Variants in AMZ2 observed in about 807,000 individuals in gnomAD.
AMZ2 encodes the protein archaemetzincin-2.
Under a neutral mutation model 36.7 loss-of-function variants are expected in AMZ2, and 26 were observed. The ratio of observed to expected loss-of-function variants is 0.71; its 90% CI spans 0.52 to 0.98. The LOEUF (loss-of-function observed/expected upper bound fraction) is 0.98. AMZ2 is among the 50% of genes least tolerant of loss of function. AMZ2 has a pLI of 0.00. For missense variants in AMZ2, 394 were observed against 430.5 expected (o/e 0.92, Z 0.75); for synonymous variants, 144 against 149.1 (o/e 0.97, Z 0.25).
At position 68,248,067 on chromosome 17, in the gene AMZ2, G is replaced by A. The variant is rs556177097; in HGVS notation, c.-639G>A. The A allele has an allele frequency of 1.0e-6, 1 of 986,148 alleles. No homozygotes were observed. The highest frequency in any genetic ancestry group is 4.7e-5 in the South Asian group (1 of 21,356). 61.1% of individuals were successfully genotyped at this position (986,148 alleles called of 1,614,324 possible). On this transcript the variant is annotated 5_prime_UTR_variant, in exon 1 of 7. The change abolishes an upstream ATG in the 5' untranslated region. Coordinates refer to ENST00000359904, the MANE Select transcript of AMZ2 (RefSeq NM_016627.5). ...CAGTGCGAAGGGACGCGGTGCGCAT[G>A]CGCGTGAGGGCTGCCGCGGGTGGGT...
chr17:68,222,877 G>C (rs1186676565), intron 1 of AMZ2, among the ~76,000 whole-genome samples: 2 of 152,110 alleles, frequency 1.3e-5, no homozygotes, highest in Non-Finnish European at 2.9e-5. Flanking sequence ...ACAAACTATG[G>C]ACCAATACGG....
intron 1 of AMZ2, 139 bp downstream of exon 1, chr17:68,248,844 T>C (rs1467041216): frequency 3.4e-6 from 3 of 893,004 alleles, no homozygotes; most frequent in Non-Finnish European, 4.1e-6. Flanking sequence ...GTCTGGAATT[T>C]TAGTCAGCCT....
upstream of AMZ2, among the ~76,000 whole-genome samples, chr17:68,245,027 T>G (rs1245031395): frequency 1.3e-5 from 2 of 152,200 alleles, no homozygotes; most frequent in African/African-American, 4.8e-5. Flanking sequence ...CACCTTCCAA[T>G]TTGTTACCAA....
At chr17:68,213,510 G>T (rs1339528881) in intron 1 of AMZ2, among the ~76,000 whole-genome samples, 4 of 152,190 alleles carry the variant, frequency 2.6e-5, no homozygotes, top group African/African-American at 9.7e-5. Flanking sequence ...TTATCAATGT[G>T]CTGTCGAGAG....
intron 1 of AMZ2, among the ~76,000 whole-genome samples, chr17:68,221,964 A>G (rs2073379512): frequency 6.6e-6 from 1 of 152,254 alleles, no homozygotes; most frequent in South Asian, 2.1e-4. Flanking sequence ...AGGGTGACAA[A>G]TGGCCAGAGG....
chr17:68,214,523 A>G (rs1337909514), intron 1 of AMZ2, among the ~76,000 whole-genome samples: 3 of 152,116 alleles, frequency 2.0e-5, no homozygotes, highest in Non-Finnish European at 4.4e-5. Context: ...ACCTCAGTTT[A>G]CCTCCTCTAG....
upstream of AMZ2, among the ~76,000 whole-genome samples, chr17:68,244,771 T>C (rs1202011965): frequency 2.6e-5 from 4 of 152,196 alleles, 1 homozygote; most frequent in East Asian, 3.8e-4. Context: ...AGCTAGAAAT[T>C]ATTTCAAAAC....
chr17:68,209,610 G>GTATATATATA (rs71142140), intron 1 of AMZ2, among the ~76,000 whole-genome samples: 1 of 108,800 alleles, frequency 9.2e-6, no homozygotes, highest in Admixed American at 1.0e-4. Flanking sequence ...GTGTGTATAT[G>GTATATATATA]TATATATATA....
chr17:68,227,690 C>CT (rs1421419666), intron 1 of AMZ2, among the ~76,000 whole-genome samples: 1 of 152,210 alleles, frequency 6.6e-6, no homozygotes, highest in Non-Finnish European at 1.5e-5. Flanking sequence ...TGATATCCCT[C>CT]TGTCTCCCTC....
chr17:68,250,992 GA>G (rs2074418508), intron 3 of AMZ2, 25 bp downstream of exon 3: 1 of 1,610,914 alleles, frequency 6.2e-7, no homozygotes, highest in South Asian at 1.1e-5. Flanking sequence ...TTTGCAATTC[GA>G]ACTGAGTATA....
At chr17:68,249,980 G>A (rs2074323750) in intron 1 of AMZ2, 5 of 581,474 alleles carry the variant, frequency 8.6e-6, no homozygotes. Context: ...ATATGAGATG[G>A]AGGAATGGAT....
chr17:68,242,455 CAG>C (rs879975098), intron 1 of AMZ2, among the ~76,000 whole-genome samples: 16 of 151,784 alleles, frequency 1.1e-4, no homozygotes, highest in Admixed American at 2.0e-4. Context: ...TTTTTTGACA[CAG>C]AGCGAGGGCA....
chr17:68,252,229 A>G (rs2074539613), intron 4 of AMZ2, among the ~76,000 whole-genome samples: 1 of 152,052 alleles, frequency 6.6e-6, no homozygotes, highest in Non-Finnish European at 1.5e-5. Context: ...TAGCCTTAGG[A>G]TTTGTGTGGG....
intron 1 of AMZ2, among the ~76,000 whole-genome samples, chr17:68,226,761 C>T (rs1456557464): frequency 1.3e-5 from 2 of 151,996 alleles, no homozygotes; most frequent in African/African-American, 4.8e-5. Context: ...TGACCAAGTC[C>T]CCATTTCTTT....
intron 1 of AMZ2, among the ~76,000 whole-genome samples, chr17:68,231,946 G>A (rs1555731338): frequency 6.6e-6 from 1 of 151,924 alleles, no homozygotes; most frequent in African/African-American, 2.4e-5. Flanking sequence ...TTGTTCATCT[G>A]AAATTCTGAT....
chr17:68,227,709 A>G (rs1555730242), intron 1 of AMZ2, among the ~76,000 whole-genome samples: 3 of 152,154 alleles, frequency 2.0e-5, no homozygotes, highest in African/African-American at 7.2e-5. Context: ...TCTTACAGAG[A>G]TACCTGCATT....
At chr17:68,254,020 C>T (rs1197953155) in intron 4 of AMZ2, among the ~76,000 whole-genome samples, 2 of 152,164 alleles carry the variant, frequency 1.3e-5, no homozygotes, top group Non-Finnish European at 2.9e-5. Context: ...CCTAGGATTA[C>T]AATCGTGAGC....
At chr17:68,237,657 T>C (rs1274377344) in intron 1 of AMZ2, among the ~76,000 whole-genome samples, 9 of 152,134 alleles carry the variant, frequency 5.9e-5, no homozygotes, top group Non-Finnish European at 2.9e-5. Context: ...CCCCCTCGGC[T>C]GGCACCTGCA....
intron 1 of AMZ2, among the ~76,000 whole-genome samples, chr17:68,210,488 TAA>T (rs1451381225): frequency 6.6e-6 from 1 of 152,150 alleles, no homozygotes; most frequent in Non-Finnish European, 1.5e-5. Context: ...TTCAAATTGG[TAA>T]AGACAGAAAG....
Sources: gnomAD v4.1 joint callset for allele counts (sites outside exome capture counted in the v4.1 genomes callset) on GRCh38, gnomAD v4.1.1 for gene constraint, MANE v1.5 for transcripts, NCBI Gene and HGNC (gene_info 2026-07-23, HGNC 2026-07-21) for gene names.